The following MARCHF5 variants were observed in gnomAD, a reference collection of about 807,000 sequenced individuals.
MARCHF5 encodes the protein membrane associated ring-CH-type finger 5, also known as E3 ubiquitin-protein ligase MARCHF5.
MARCHF5 carries 5 observed loss-of-function variants against 36.5 expected under a neutral mutation model. That is an observed-to-expected ratio of 0.14 (90% CI 0.07 to 0.29). The LOEUF is 0.29. MARCHF5 is among the 10% of genes least tolerant of loss of function. MARCHF5 has a pLI of 1.00. For missense variants in MARCHF5, 179 were observed against 336.3 expected (o/e 0.53, Z 3.66); for synonymous variants, 103 against 109.9 (o/e 0.94, Z 0.39).
intron 1 of MARCHF5, among the ~76,000 whole-genome samples, chr10:92,293,187 C>G (rs1284925260): frequency 6.6e-6 from 1 of 152,052 alleles, no homozygotes; most frequent in Admixed American, 6.5e-5. Flanking sequence ...CTCACTGCAA[C>G]CCCCGCCTCC....
At chr10:92,295,835 A>G (rs893242965) in intron 1 of MARCHF5, among the ~76,000 whole-genome samples, 7 of 151,912 alleles carry the variant, frequency 4.6e-5, no homozygotes, top group African/African-American at 1.7e-4. Flanking sequence ...GAAAGAATAC[A>G]TATACATACG....
chr10:92,307,210 TGTGC>T (rs769259077), intron 1 of MARCHF5, among the ~76,000 whole-genome samples: 20,266 of 66,996 alleles, frequency 0.3, 1,786 homozygotes, highest in Admixed American at 0.44. Flanking sequence ...TGTGTGTGTG[TGTGC>T]GCGTGCATGC....
intron 2 of MARCHF5, among the ~76,000 whole-genome samples, chr10:92,328,444 T>C (rs1843393789): frequency 6.6e-6 from 1 of 151,624 alleles, no homozygotes; most frequent in African/African-American, 2.4e-5. Context: ...TTGGGTTCTT[T>C]TTTACATTTA....
At chr10:92,298,932 G>A (rs536655601) in intron 1 of MARCHF5, among the ~76,000 whole-genome samples, 12 of 151,594 alleles carry the variant, frequency 7.9e-5, no homozygotes, top group African/African-American at 2.9e-4. Context: ...AGCCTCCCAA[G>A]TAGCTAGGAG....
chr10:92,318,055 G>A (rs1455064699), intron 2 of MARCHF5, among the ~76,000 whole-genome samples: 1 of 151,994 alleles, frequency 6.6e-6, no homozygotes, highest in Non-Finnish European at 1.5e-5. Flanking sequence ...CTGGCCCAAT[G>A]TGAATCATTT....
chr10:92,325,474 G>A (rs983226224), intron 2 of MARCHF5, among the ~76,000 whole-genome samples: 1 of 152,082 alleles, frequency 6.6e-6, no homozygotes, highest in African/African-American at 2.4e-5. Flanking sequence ...TAATTGTTAG[G>A]TCAAGTGCAC....
At position 92,311,183 on chromosome 10, in the gene MARCHF5, A is replaced by G; in HGVS notation, c.84A>G (p.Glu28=). 1 of 1,614,148 alleles carries G rather than the reference A, an allele frequency of 6.2e-7. No individual in the cohort carries two copies. The change falls in exon 2 of 6, where the codon GAA becomes GAG. Residue 28 remains glutamate, a synonymous_variant. Coordinates refer to ENST00000358935, the MANE Select transcript of MARCHF5 (RefSeq NM_017824.5). ...CTGATGAAGATGATAGAACAGCTGA[A>G]TGGGTGAGACCATGCAGGTGCAGAG... ...FATDEDDRTA[E]WVRPCRCRGS...
intron 1 of MARCHF5, among the ~76,000 whole-genome samples, chr10:92,295,836 TATAC>T (rs1478378059): frequency 8.5e-5 from 13 of 152,136 alleles, no homozygotes; most frequent in Middle Eastern, 3.4e-3. Context: ...AAAGAATACA[TATAC>T]ATACGTATAT....
chr10:92,328,390 T>A (rs1268310233), intron 2 of MARCHF5, among the ~76,000 whole-genome samples: 1 of 151,368 alleles, frequency 6.6e-6, no homozygotes, highest in South Asian at 2.1e-4. Context: ...GTGGTGTTGA[T>A]TTTGCCCTGT....
At chr10:92,320,728 GAGTCAA>G (rs1369346602) in intron 2 of MARCHF5, among the ~76,000 whole-genome samples, 4 of 132,566 alleles carry the variant, frequency 3.0e-5, no homozygotes, top group African/African-American at 7.4e-5. Context: ...TAATACAAAA[GAGTCAA>G]AGTTAAAGTT....
intron 2 of MARCHF5, among the ~76,000 whole-genome samples, chr10:92,321,159 G>A (rs570628572): frequency 2.0e-4 from 30 of 152,162 alleles, no homozygotes; most frequent in South Asian, 6.2e-4. Flanking sequence ...TCTGTGATGT[G>A]CACAAAACTA....
At chr10:92,324,004 G>C (rs1327887255) in intron 2 of MARCHF5, among the ~76,000 whole-genome samples, 1 of 152,208 alleles carries the variant, frequency 6.6e-6, no homozygotes. Context: ...GCTGTACCAT[G>C]TACCATTTTG....
At chr10:92,291,574 C>T (rs991515712) in intron 1 of MARCHF5, 45 bp downstream of exon 1, 3 of 1,493,170 alleles carry the variant, frequency 2.0e-6, no homozygotes, top group Non-Finnish European at 2.7e-6. Flanking sequence ...GACCCTCGCT[C>T]TGGCCCTGCC....
chr10:92,305,182 G>A (rs559577196), intron 1 of MARCHF5, among the ~76,000 whole-genome samples: 1 of 152,290 alleles, frequency 6.6e-6, no homozygotes, highest in South Asian at 2.1e-4. Flanking sequence ...GCCTAAGCAG[G>A]CAGATCACAA....
At chr10:92,302,470 G>T (rs1843027256) in intron 1 of MARCHF5, among the ~76,000 whole-genome samples, 1 of 142,138 alleles carries the variant, frequency 7.0e-6, no homozygotes, top group Non-Finnish European at 1.5e-5. Flanking sequence ...TTGAGACGGA[G>T]TTTTGCTCTT....
chr10:92,326,501 T>G (rs1272700102), intron 2 of MARCHF5, among the ~76,000 whole-genome samples: 1 of 152,172 alleles, frequency 6.6e-6, no homozygotes, highest in Non-Finnish European at 1.5e-5. Context: ...GGATAAGTAG[T>G]TTCTAGTACC....
chr10:92,297,712 A>G (rs1053102175), intron 1 of MARCHF5, among the ~76,000 whole-genome samples: 9 of 151,536 alleles, frequency 5.9e-5, no homozygotes, highest in African/African-American at 2.2e-4. Context: ...AGACTGGTTC[A>G]AACTCCCGAC....
intron 1 of MARCHF5, among the ~76,000 whole-genome samples, chr10:92,298,829 C>A (rs190768059): frequency 2.0e-5 from 3 of 152,216 alleles, no homozygotes; most frequent in Admixed American, 2.0e-4. Context: ...TCCCATAGTG[C>A]TGGGATTACA....
Position 92,340,661 on chromosome 10 carries a change from T to C in MARCHF5, c.239-12T>C. ...CTGTGTTGAACCTTTACTTCTTTTC[T>C]GTGTGTTATAGGTCCAGTGGTTTAC... On this transcript the variant is annotated splice_polypyrimidine_tract_variant and intron_variant, in intron 2 of 5. Transcript: ENST00000358935. The C allele has an allele frequency of 6.3e-7, 1 of 1,583,832 alleles. No individual in the cohort carries two copies. Among genetic ancestry groups the C allele is most frequent in the Non-Finnish European group, 8.6e-7 (1 of 1,167,774 alleles).
Sources: allele counts gnomAD v4.1 joint callset (sites outside exome capture counted in the v4.1 genomes callset), GRCh38; gene constraint gnomAD v4.1.1; transcripts MANE v1.5; gene names NCBI Gene and HGNC (gene_info 2026-07-23, HGNC 2026-07-21).